Variants in RHBDF2 observed in about 807,000 individuals in gnomAD.
RHBDF2 encodes rhomboid 5 homolog 2.
In RHBDF2, 38 loss-of-function variants were observed where a neutral mutation model predicts 95.2. The observed-to-expected ratio is 0.40, with a 90% CI of 0.31 to 0.52. RHBDF2 has a LOEUF of 0.52. RHBDF2 is among the 20% of genes least tolerant of loss of function. The pLI is 0.56. For missense variants in RHBDF2, 863 were observed against 1,137.7 expected (o/e 0.76, Z 3.47); for synonymous variants, 442 against 462.0 (o/e 0.96, Z 0.55).
intron 2 of RHBDF2, among the ~76,000 whole-genome samples, chr17:76,483,335 G>T (rs2074026331): frequency 6.6e-6 from 1 of 151,756 alleles, no homozygotes; most frequent in Admixed American, 6.6e-5. Flanking sequence ...ACCCAGATTG[G>T]AGTGCAGTGG....
chr17:76,475,004 C>G, intron 10 of RHBDF2, 26 bp downstream of exon 10: 10 of 1,548,676 alleles, frequency 6.5e-6, no homozygotes, highest in Middle Eastern at 1.7e-4. Context: ...GCTGGGACCC[C>G]CAGCATGGAG....
Position 76,483,354 on chromosome 17 carries a change from C to T in RHBDF2, c.-21-1809G>A, listed in dbSNP as rs530758445. ...AGATTGGAGTGCAGTGGCGCGATCT[C>T]GGCTCACCGCAACCTCCACCTCCCA... On this transcript the variant is annotated intron_variant, in intron 2 of 18. Transcript: ENST00000675367. 3.7e-3 allele frequency among the ~76,000 whole-genome samples: 560 copies of T among 149,460 alleles called. 10 individuals carry two copies. Among genetic ancestry groups the T allele is most frequent in the African/African-American group, 0.013 (537 of 40,426 alleles).
At position 76,472,800 on chromosome 17, in the gene RHBDF2, G is replaced by A; in HGVS notation, c.1950C>T (p.Thr650=). 6.2e-7 allele frequency: 1 copy of A among 1,605,768 alleles called. No individual in the cohort carries two copies. The highest frequency in any genetic ancestry group is 8.5e-7 in the Non-Finnish European group (1 of 1,176,120). The part of the protein sequence containing the change: ...HCLVSVVFQM[T]ILRDLEKLAG... ...CCAGCTTCTCCAGGTCCCTCAGGAT[G>A]GTCATTTGAAAGACCACAGACACGA... The change falls in exon 18 of 19, where the codon ACC becomes ACT. Residue 650 remains threonine, a synonymous_variant. Transcript: ENST00000675367.
In RHBDF2 at chr17:76,474,509, T is replaced by C; in HGVS notation, c.1328A>G (p.Lys443Arg). ...GTCCTTCCGGATGCAGGGTGAGAAC[T>C]TGGCCCCCAGGTGGATCAGGTCAAT... ...SSIDLIHLGA[K>R]FSPCIRKDGQ... is the part of the protein sequence containing the mutation. Residue 443 changes from lysine (K) to arginine (R), a missense_variant, in exon 12 of 19, where the codon AAG becomes AGG. By Grantham distance (26) the Lys-to-Arg change is conservative (BLOSUM62 2). Coordinates refer to ENST00000675367, the MANE Select transcript of RHBDF2 (RefSeq NM_001005498.4). 6.2e-7 allele frequency: 1 copy of C among 1,614,080 alleles called. No homozygotes were observed. Among genetic ancestry groups the C allele is most frequent in the Non-Finnish European group, 8.5e-7 (1 of 1,180,000 alleles).
intron 2 of RHBDF2, among the ~76,000 whole-genome samples, chr17:76,482,610 C>G (rs112302543): frequency 4.6e-5 from 7 of 152,106 alleles, no homozygotes; most frequent in Non-Finnish European, 1.0e-4. Context: ...CCTGTCTCTA[C>G]TAAAAATACA....
At chr17:76,474,693 C>T (rs748425731) in intron 11 of RHBDF2, 37 bp downstream of exon 11, 20 of 1,614,114 alleles carry the variant, frequency 1.2e-5, no homozygotes, top group Non-Finnish European at 1.7e-5. Context: ...CACAGGGACT[C>T]CTGGCTCAGA....
chr17:76,472,088 C>T (rs2144022949), intron 18 of RHBDF2, 36 bp from the exon 19 acceptor site: 1 of 1,522,430 alleles, frequency 6.6e-7, no homozygotes, highest in Middle Eastern at 2.0e-4. Flanking sequence ...CTTCAGGCAT[C>T]AGGTGGGTGG....
chr17:76,498,464 G>C (rs1279667691), intron 1 of RHBDF2, among the ~76,000 whole-genome samples: 1 of 152,244 alleles, frequency 6.6e-6, no homozygotes, highest in Non-Finnish European at 1.5e-5. Context: ...TCCCTGTGCT[G>C]TGCCAGCGGC....
intron 3 of RHBDF2, among the ~76,000 whole-genome samples, 171 bp downstream of exon 3, chr17:76,481,204 T>G (rs2073952308): frequency 6.6e-6 from 1 of 152,028 alleles, no homozygotes; most frequent in Non-Finnish European, 1.5e-5. Context: ...TTACTCCCTG[T>G]GATATTTCGG....
At chr17:76,496,041 C>T (rs1187780370) in intron 1 of RHBDF2, among the ~76,000 whole-genome samples, 1 of 152,130 alleles carries the variant, frequency 6.6e-6, no homozygotes, top group Non-Finnish European at 1.5e-5. Context: ...GAATAAGGGG[C>T]CAGAGATGGG....
rs2074237484 is a variant in RHBDF2, at chr17:76,489,369, G to A, written c.-219-1460C>T. Among the ~76,000 whole-genome samples, 4 of 144,014 alleles carry A rather than the reference G, an allele frequency of 2.8e-5. No individual in the cohort carries two copies. The South Asian group carries it at 9.0e-4, about 32-fold the overall frequency. 94.5% of individuals were successfully genotyped at this position (144,014 alleles called of 152,430 possible). The stretch of plus-strand genomic sequence containing the variant: ...GATGGAGTCTCGCTCTGTAGCCCAG[G>A]CTGGAGTGCAGTGGCATGATCTCAG... On this transcript the variant is annotated intron_variant, in intron 1 of 18. Transcript: ENST00000675367.
Position 76,477,296 on chromosome 17 carries a change from T to C in RHBDF2, c.804A>G (p.Glu268=). The change falls in exon 8 of 19, where the codon GAA becomes GAG. Residue 268 remains glutamate (E), a splice_region_variant and synonymous_variant. Transcript: ENST00000675367. ...DTFDSSFFSK[E]EMSSMPDDVF... ...CATCATCAGGCATGGAGCTCATTTC[T>C]TCCTGGGGTGGGGGACAAGAAAATA... is the stretch of plus-strand genomic sequence containing the variant. The C allele has an allele frequency of 6.2e-7, 1 of 1,611,450 alleles. No individual in the cohort carries two copies. The highest frequency in any genetic ancestry group is 8.5e-7 in the Non-Finnish European group (1 of 1,179,270).
intron 2 of RHBDF2, among the ~76,000 whole-genome samples, chr17:76,486,642 A>G (rs576437013): frequency 6.6e-6 from 1 of 151,974 alleles, no homozygotes; most frequent in African/African-American, 2.4e-5. Context: ...TGAGCTAGGA[A>G]GGTCGAGGCT....
chr17:76,472,179 CA>C, intron 18 of RHBDF2, 127 bp from the exon 19 acceptor site: 1 of 916,558 alleles, frequency 1.1e-6, no homozygotes, highest in South Asian at 1.7e-5. Flanking sequence ...GGCTGAGGGG[CA>C]GGGGGTCGGC....
intron 3 of RHBDF2, among the ~76,000 whole-genome samples, chr17:76,480,975 C>T (rs2073946076): frequency 1.3e-5 from 2 of 152,210 alleles, no homozygotes; most frequent in Admixed American, 1.3e-4. Flanking sequence ...CCAAAGGAAG[C>T]GGACACTGCC....
chr17:76,488,798 A>G (rs1039819018), intron 1 of RHBDF2, among the ~76,000 whole-genome samples: 5 of 151,870 alleles, frequency 3.3e-5, no homozygotes, highest in African/African-American at 1.2e-4. Context: ...AATACAAAAA[A>G]GTAGCCGGGT....
At chr17:76,491,672 A>T (rs984531269) in intron 1 of RHBDF2, among the ~76,000 whole-genome samples, 1 of 152,218 alleles carries the variant, frequency 6.6e-6, no homozygotes, top group Non-Finnish European at 1.5e-5. Flanking sequence ...AACATGGAGT[A>T]TGGAAGCATG....
chr17:76,493,753 G>GGTACAGTT, intron 1 of RHBDF2, among the ~76,000 whole-genome samples: 1 of 152,314 alleles, frequency 6.6e-6, no homozygotes, highest in Non-Finnish European at 1.5e-5. Flanking sequence ...CCACTCCGCC[G>GGTACAGTT]GTACACGCTT....
Position 76,477,295 on chromosome 17 carries a change from C to T in RHBDF2, c.805G>A (p.Glu269Lys). ...ACATCATCAGGCATGGAGCTCATTT[C>T]TTCCTGGGGTGGGGGACAAGAAAAT... is the stretch of plus-strand genomic sequence containing the variant. ...TFDSSFFSKEEMSSMPDDVFE... is the reference protein window; with the variant it reads ...TFDSSFFSKEKMSSMPDDVFE... Residue 269 changes from glutamate to lysine, a missense_variant, in exon 8 of 19, where the codon GAA (glutamate) becomes AAA (lysine). This residue lies in a region of RHBDF2 where 611 missense variants were observed against 725.5 expected (regional missense o/e 0.84). Coordinates refer to ENST00000675367, the MANE Select transcript of RHBDF2 (RefSeq NM_001005498.4). 1 of 1,611,454 alleles carries T rather than the reference C, an allele frequency of 6.2e-7. No individual in the cohort carries two copies. Among genetic ancestry groups the T allele is most frequent in the Non-Finnish European group, 8.5e-7 (1 of 1,179,260 alleles).
Sources: gnomAD v4.1 joint callset for allele counts (sites outside exome capture counted in the v4.1 genomes callset) on GRCh38, gnomAD v4.1.1 for gene constraint, gnomAD v4.1.1 regional missense constraint, MANE v1.5 for transcripts, NCBI Gene and HGNC (gene_info 2026-07-23, HGNC 2026-07-21) for gene names.